ZNF365: variants seen among roughly 807,000 people sequenced by gnomAD.
The protein encoded by ZNF365 is zinc finger protein 365.
A neutral mutation model predicts 35.0 loss-of-function variants in ZNF365; 22 were observed. That is an observed-to-expected ratio of 0.63 (90% CI 0.45 to 0.90). ZNF365 has a LOEUF of 0.90. Among genes scored for constraint, ZNF365 ranks in the 40% least tolerant of loss-of-function variants. The pLI is 0.00. For synonymous variants in ZNF365, 188 were observed against 196.2 expected, an observed-to-expected ratio of 0.96 and a Z score of 0.35; for missense variants, 448 against 500.3, an observed-to-expected ratio of 0.90 and a Z score of 1.00.
intron 3 of ZNF365, among the ~76,000 whole-genome samples, chr10:62,452,714 A>C (rs1007049152): frequency 6.6e-6 from 1 of 152,280 alleles, no homozygotes; most frequent in Non-Finnish European, 1.5e-5. Context: ...CTTTAGATCA[A>C]TACACCCCAG....
chr10:62,389,444 T>TTC (rs1389601754), intron 3 of ZNF365, among the ~76,000 whole-genome samples: 5 of 150,220 alleles, frequency 3.3e-5, no homozygotes, highest in Non-Finnish European at 7.4e-5. Flanking sequence ...GTTTTGTTTT[T>TTC]TTTTTTACTG....
chr10:62,406,885 C>T (rs927339411), downstream of ZNF365, among the ~76,000 whole-genome samples: 1 of 152,202 alleles, frequency 6.6e-6, no homozygotes, highest in African/African-American at 2.4e-5. Flanking sequence ...TACCCTGATG[C>T]TCCAGCACCT....
At chr10:62,462,574 C>T (rs1426792292) in intron 4 of ZNF365, among the ~76,000 whole-genome samples, 2 of 152,218 alleles carry the variant, frequency 1.3e-5, no homozygotes, top group Non-Finnish European at 2.9e-5. Context: ...ATTGCTACTT[C>T]AGCACTAACC....
Position 62,389,439 on chromosome 10 carries a change from G to T in ZNF365, c.924+863G>T, listed in dbSNP as rs2393876. Among the ~76,000 whole-genome samples the T allele has an allele frequency of 7.7e-4, 115 of 148,446 alleles. 1 individual carries two copies. In the East Asian group the frequency reaches 0.013, roughly 16 times the overall value. On this transcript the variant is annotated intron_variant, in intron 3 of 4. Transcript: ENST00000395254. ...TCCTAGCAGATTTAAAAATAGTTTT[G>T]TTTTTTTTTTTACTGCTTCCACCCC...
chr10:62,415,027 T>C (rs1453844563), intron 3 of ZNF365, among the ~76,000 whole-genome samples: 3 of 152,158 alleles, frequency 2.0e-5, no homozygotes, highest in African/African-American at 7.2e-5. Context: ...TTCGTCTGAT[T>C]TGTTTTTAGA....
intron 4 of ZNF365, among the ~76,000 whole-genome samples, chr10:62,474,046 G>T (rs1364844632): frequency 6.6e-6 from 1 of 152,220 alleles, no homozygotes; most frequent in Non-Finnish European, 1.5e-5. Context: ...GAGAGAGGGA[G>T]TTAGAAAAGG....
chr10:62,413,274 G>A (rs1840014453), intron 3 of ZNF365, among the ~76,000 whole-genome samples: 1 of 152,022 alleles, frequency 6.6e-6, no homozygotes, highest in Non-Finnish European at 1.5e-5. Flanking sequence ...GTTAAATAAA[G>A]GAATTGTCAG....
Position 62,402,416 on chromosome 10 carries a change from A to C in ZNF365, c.*2627A>C. The C allele has an allele frequency of 1.0e-6, 1 of 984,964 alleles. No individual in the cohort carries two copies. The highest frequency in any genetic ancestry group is 4.7e-5 in the South Asian group (1 of 21,280). 61.0% of individuals were successfully genotyped at this position (984,964 alleles called of 1,614,324 possible). A position where few individuals can be genotyped will look rare whatever the true frequency, so the allele number is the denominator to read the frequency against. Reference sequence around the variant, plus strand: ...GAATTAAAGAAGTTTTTAGATTATGAAATATTATGATAATAAAGCTATATT... The same window carrying C: ...GAATTAAAGAAGTTTTTAGATTATGCAATATTATGATAATAAAGCTATATT... On this transcript the variant is annotated 3_prime_UTR_variant, in exon 5 of 5. Coordinates refer to ENST00000395254, the MANE Select transcript of ZNF365 (RefSeq NM_014951.3).
chr10:62,441,828 G>A (rs760151170), intron 3 of ZNF365, among the ~76,000 whole-genome samples: 1 of 152,160 alleles, frequency 6.6e-6, no homozygotes, highest in Non-Finnish European at 1.5e-5. Context: ...TCACTAGGAG[G>A]TGGCAGGGAA....
chr10:62,444,662 C>A (rs1840556751), intron 3 of ZNF365, among the ~76,000 whole-genome samples: 1 of 152,182 alleles, frequency 6.6e-6, no homozygotes, highest in Admixed American at 6.5e-5. Flanking sequence ...GGCAGTTAAA[C>A]TTCTGAATGT....
intron 4 of ZNF365, among the ~76,000 whole-genome samples, chr10:62,465,223 T>C (rs1159312476): frequency 3.9e-5 from 6 of 152,196 alleles, no homozygotes; most frequent in African/African-American, 1.4e-4. Context: ...TTGCACATGC[T>C]TGGAGCAGCG....
chr10:62,388,552 T>C lies in ZNF365; in HGVS notation c.900T>C (p.Phe300=). The C allele has an allele frequency of 6.2e-7, 1 of 1,614,076 alleles. No individual in the cohort carries two copies. Among genetic ancestry groups the C allele is most frequent in the Non-Finnish European group, 8.5e-7 (1 of 1,180,028 alleles). ...ATCAGAGCCAGCAGGCCTCTGGCTT[T>C]GTCCGTGATCTCAGCGGGCACGTGG... ...EYYQSQQASG[F]VRDLSGHVLT... is the part of the protein sequence containing the mutation. Residue 300 remains phenylalanine, a synonymous_variant, in exon 3 of 5, where the codon TTT becomes TTC. Coordinates refer to ENST00000395254, the MANE Select transcript of ZNF365 (RefSeq NM_014951.3).
chr10:62,457,724 T>C (rs1246860684), intron 3 of ZNF365, among the ~76,000 whole-genome samples: 1 of 152,240 alleles, frequency 6.6e-6, no homozygotes, highest in Non-Finnish European at 1.5e-5. Flanking sequence ...TTTATATTTA[T>C]GAATGAAGGG....
chr10:62,463,164 A>G (rs1473331127), intron 4 of ZNF365, among the ~76,000 whole-genome samples: 1 of 152,236 alleles, frequency 6.6e-6, no homozygotes, highest in Non-Finnish European at 1.5e-5. Context: ...TAGGCTCAAG[A>G]TGAGCTCCTG....
chr10:62,395,504 AT>A (rs67866839), intron 3 of ZNF365, among the ~76,000 whole-genome samples: 41,224 of 99,026 alleles, frequency 0.42, 6,219 homozygotes, highest in East Asian at 0.6. Flanking sequence ...CACCCGGCTA[AT>A]TTTTTTTTTT....
chr10:62,467,128 G>A (rs1251352942), intron 4 of ZNF365, among the ~76,000 whole-genome samples: 1 of 152,178 alleles, frequency 6.6e-6, no homozygotes, highest in African/African-American at 2.4e-5. Context: ...TTTGCCATAG[G>A]CAAGGCAACT....
rs530476984 is a variant in ZNF365, at chr10:62,376,508, A to T, written c.315A>T (p.Ser105=). The change falls in exon 2 of 5, where the codon TCA becomes TCT. Residue 105 remains serine (S), a synonymous_variant. Transcript: ENST00000395254. The part of the protein sequence containing the change: ...KPSYVNLYSI[S]HEHSKDRKPF... ...GCTATGTTAACTTGTACAGCATTTCACATGAACATTCCAAGGACAGGAAGC... is the reference window on the plus strand; with the variant it reads ...GCTATGTTAACTTGTACAGCATTTCTCATGAACATTCCAAGGACAGGAAGC... 6.2e-7 allele frequency: 1 copy of T among 1,614,176 alleles called. No individual in the cohort carries two copies.
At chr10:62,463,597 C>A (rs1341840477) in intron 4 of ZNF365, among the ~76,000 whole-genome samples, 2 of 152,220 alleles carry the variant, frequency 1.3e-5, no homozygotes, top group African/African-American at 4.8e-5. Flanking sequence ...ATAATCAATG[C>A]AGTGCCTTTA....
Position 62,463,335 on chromosome 10 carries a change from C to T in ZNF365, c.981+3538C>T, listed in dbSNP as rs572648196. Among the ~76,000 whole-genome samples the T allele has an allele frequency of 4.6e-5, 7 of 152,304 alleles. No individual in the cohort carries two copies. The East Asian group carries it at 1.2e-3, about 25-fold the overall frequency. Reference sequence around the variant, plus strand: ...ACTTAATGCACAACTTAAGCCGTCCCCTGGACCTCACTTATTTGGGCTGGC... The same window carrying T: ...ACTTAATGCACAACTTAAGCCGTCCTCTGGACCTCACTTATTTGGGCTGGC... On this transcript the variant is annotated intron_variant, in intron 4 of 4. Coordinates refer to the ZNF365 transcript ENST00000395255.
Sources: gnomAD v4.1 joint callset for allele counts (sites outside exome capture counted in the v4.1 genomes callset) on GRCh38, gnomAD v4.1.1 for gene constraint, MANE v1.5 for transcripts, NCBI Gene and HGNC (gene_info 2026-07-23, HGNC 2026-07-21) for gene names.